ROBO2: variants seen among roughly 807,000 people sequenced by gnomAD.
ROBO2 encodes the protein roundabout homolog 2.
Under a neutral mutation model 160.8 loss-of-function variants are expected in ROBO2, and 53 were observed. The observed-to-expected ratio is 0.33, with a 90% CI of 0.26 to 0.41. The LOEUF (loss-of-function observed/expected upper bound fraction) is 0.41, where lower values mean the gene tolerates loss of function less well. ROBO2 is among the 10% of genes least tolerant of loss of function. The pLI is 1.00. For missense variants in ROBO2, 1,577 were observed against 1,722.4 expected (o/e 0.92, Z 1.49); for synonymous variants, 664 against 611.7 (o/e 1.09, Z -1.26).
chr3:77,467,407 G>C (rs1219627387), intron 2 of ROBO2, among the ~76,000 whole-genome samples: 1 of 152,080 alleles, frequency 6.6e-6, no homozygotes, highest in African/African-American at 2.4e-5. Context: ...ATTCTACAAA[G>C]CACCTGTAAC....
intron 2 of ROBO2, among the ~76,000 whole-genome samples, chr3:76,299,336 G>A (rs752267687): frequency 6.6e-6 from 1 of 152,130 alleles, no homozygotes; most frequent in African/African-American, 2.4e-5. Context: ...AGCAAACCCT[G>A]AAGCAAGCGA....
At chr3:76,185,206 A>G (rs1478572335) in intron 2 of ROBO2, among the ~76,000 whole-genome samples, 1 of 97,502 alleles carries the variant, frequency 1.0e-5, no homozygotes, top group South Asian at 3.6e-4. Context: ...ATATATATAT[A>G]TATATATATA....
Position 76,246,068 on chromosome 3 carries a change from G to A in ROBO2, c.109+308466G>A, listed in dbSNP as rs375268861. Among the ~76,000 whole-genome samples the A allele has an allele frequency of 2.0e-5, 3 of 152,156 alleles. No homozygotes were observed. The South Asian group carries it at 6.2e-4, about 32-fold the overall frequency. On this transcript the variant is annotated intron_variant, in intron 2 of 26. Transcript: ENST00000487694. ...CTCATTATATGTTAGCAACATGGAA[G>A]AGCCCATTGAAAATAACACACTTTC...
chr3:77,250,763 A>G (rs890816229), intron 2 of ROBO2, among the ~76,000 whole-genome samples: 2 of 152,154 alleles, frequency 1.3e-5, no homozygotes, highest in Non-Finnish European at 2.9e-5. Context: ...AGGGCAAACA[A>G]GCTCACATGA....
chr3:77,139,043 T>G (rs1299105128), intron 2 of ROBO2, among the ~76,000 whole-genome samples: 2 of 152,162 alleles, frequency 1.3e-5, no homozygotes, highest in Non-Finnish European at 2.9e-5. Flanking sequence ...TATATTCTAT[T>G]AAAGGTAGAA....
exon 5 of ROBO2, chr3:77,493,246 C>A: frequency 1.9e-6 from 3 of 1,611,554 alleles, no homozygotes; most frequent in Non-Finnish European, 2.5e-6. Flanking sequence ...TTTTCAAGAA[C>A]GACCCACATT....
At chr3:77,614,446 A>G (rs1361378326) in intron 21 of ROBO2, among the ~76,000 whole-genome samples, 1 of 152,180 alleles carries the variant, frequency 6.6e-6, no homozygotes, top group East Asian at 1.9e-4. Context: ...AAAAATTGCT[A>G]TTTGTAACAC....
intron 2 of ROBO2, among the ~76,000 whole-genome samples, chr3:76,980,641 T>C (rs900852110): frequency 6.6e-6 from 1 of 152,234 alleles, no homozygotes; most frequent in Non-Finnish European, 1.5e-5. Context: ...TTATTAAAAT[T>C]AATAATAATC....
chr3:76,934,958 AAT>A (rs1491473502), intron 2 of ROBO2, among the ~76,000 whole-genome samples: 1 of 146,730 alleles, frequency 6.8e-6, no homozygotes, highest in East Asian at 2.0e-4. Context: ...AGGCTTCACA[AAT>A]TTTTTTTTTT....
intron 2 of ROBO2, among the ~76,000 whole-genome samples, chr3:76,470,711 T>G (rs1191533485): frequency 6.6e-6 from 1 of 152,158 alleles, no homozygotes; most frequent in Non-Finnish European, 1.5e-5. Flanking sequence ...TTAGCTCATA[T>G]TTAATAGAAA....
chr3:76,633,689 T>C (rs1160281679), intron 2 of ROBO2, among the ~76,000 whole-genome samples: 1 of 152,236 alleles, frequency 6.6e-6, no homozygotes, highest in East Asian at 1.9e-4. Flanking sequence ...ACGCCAGGCA[T>C]GTCCTAAATG....
In ROBO2 at chr3:76,337,188, C is replaced by T. The variant is rs563996449; in HGVS notation, c.109+399586C>T. Among the ~76,000 whole-genome samples, 3 of 152,192 alleles carry T rather than the reference C, an allele frequency of 2.0e-5. No homozygotes were observed. The South Asian group carries it at 6.2e-4, about 32-fold the overall frequency. On this transcript the variant is annotated intron_variant, in intron 2 of 26. Transcript: ENST00000487694. Reference sequence around the variant, plus strand: ...TGTCATTTTCATGGCCAAAATTGTTCATCTTCCCTAATCAAAGCTCCCTTG... The same window carrying T: ...TGTCATTTTCATGGCCAAAATTGTTTATCTTCCCTAATCAAAGCTCCCTTG...
At chr3:76,821,940 G>C (rs1340269132) in intron 2 of ROBO2, among the ~76,000 whole-genome samples, 2 of 151,900 alleles carry the variant, frequency 1.3e-5, no homozygotes, top group East Asian at 3.9e-4. Context: ...ATTGCAAAAA[G>C]TAGTAATAAA....
In ROBO2 at chr3:76,166,759, T is replaced by A. The variant is rs528005521; in HGVS notation, c.109+229157T>A. Among the ~76,000 whole-genome samples, 4 of 152,344 alleles carry A rather than the reference T, an allele frequency of 2.6e-5. No individual in the cohort carries two copies. In the South Asian group the frequency reaches 8.3e-4, roughly 32 times the overall value. ...TGACATTCATTTTTGACTCTTGTTT[T>A]AAGGAAATCTTGTTTGAATAAATAA... is the stretch of plus-strand genomic sequence containing the variant. On this transcript the variant is annotated intron_variant, in intron 2 of 26. Coordinates refer to the ROBO2 transcript ENST00000487694.
At chr3:76,727,627 T>A (rs138667928) in intron 2 of ROBO2, among the ~76,000 whole-genome samples, 166 of 152,156 alleles carry the variant, frequency 1.1e-3, no homozygotes, top group Middle Eastern at 3.4e-3. Flanking sequence ...TCATGATATG[T>A]GGAATAAGTT....
intron 2 of ROBO2, among the ~76,000 whole-genome samples, chr3:77,231,241 T>C (rs1232403276): frequency 6.6e-6 from 1 of 151,290 alleles, no homozygotes; most frequent in Non-Finnish European, 1.5e-5. Flanking sequence ...TGGGCACCTG[T>C]AATTCCAGCT....
At chr3:76,338,926 T>C (rs1264101062) in intron 2 of ROBO2, among the ~76,000 whole-genome samples, 1 of 152,028 alleles carries the variant, frequency 6.6e-6, no homozygotes, top group African/African-American at 2.4e-5. Flanking sequence ...ATGTTAGAGC[T>C]TTTGAATGTC....
At chr3:75,991,079 C>T (rs1192228384) in intron 2 of ROBO2, among the ~76,000 whole-genome samples, 2 of 152,168 alleles carry the variant, frequency 1.3e-5, no homozygotes, top group Admixed American at 1.3e-4. Flanking sequence ...TTTCCTGGTT[C>T]CTAGCTTTCA....
chr3:76,873,612 A>G (rs1314754094), intron 2 of ROBO2, among the ~76,000 whole-genome samples: 1 of 152,068 alleles, frequency 6.6e-6, no homozygotes, highest in Non-Finnish European at 1.5e-5. Context: ...TAGTAGTAGT[A>G]TGAAATGAGG....
Sources: allele counts gnomAD v4.1 joint callset (sites outside exome capture counted in the v4.1 genomes callset), GRCh38; gene constraint gnomAD v4.1.1; transcripts MANE v1.5; gene names NCBI Gene and HGNC (gene_info 2026-07-23, HGNC 2026-07-21).